CUBN: variants seen among roughly 807,000 people sequenced by gnomAD.
CUBN encodes the protein 460 kDa receptor.
Under a neutral mutation model 405.3 loss-of-function variants are expected in CUBN, and 282 were observed. The observed-to-expected ratio is 0.70, with a 90% CI of 0.63 to 0.77. The LOEUF (loss-of-function observed/expected upper bound fraction) is 0.77, where lower values mean the gene tolerates loss of function less well. CUBN is among the 30% of genes least tolerant of loss of function. CUBN has a pLI of 0.00. For synonymous variants in CUBN, 1,684 were observed against 1,617.0 expected (o/e 1.04, Z -0.99); for missense variants, 4,514 against 4,475.2 (o/e 1.01, Z -0.25).
chr10:16,966,013 G>A lies in CUBN; in HGVS notation c.4696-11465C>T, dbSNP rs756383738. On this transcript the variant is annotated intron_variant, in intron 31 of 66. Coordinates refer to ENST00000377833, the MANE Select transcript of CUBN (RefSeq NM_001081.4). ...GGTGAAATCAAGTTGTATTCATTCA[G>A]TTAGAATGTTGAGAGACCATGATTC... The A allele has an allele frequency of 3.2e-4, 153 of 470,874 alleles. 1 individual carries two copies. Among genetic ancestry groups the A allele is most frequent in the Middle Eastern group, 1.3e-3 (4 of 3,078 alleles). The allele number at this position is 470,874 out of a possible 1,614,324, so 29.2% of individuals were successfully genotyped here. A position where few individuals can be genotyped will look rare whatever the true frequency, so the allele number is the denominator to read the frequency against.
intron 54 of CUBN, among the ~76,000 whole-genome samples, chr10:16,891,132 C>G (rs983074978): frequency 1.3e-5 from 2 of 152,128 alleles, no homozygotes; most frequent in Non-Finnish European, 2.9e-5. Context: ...CCAAGTAGAC[C>G]TGGGCTGTCA....
intron 19 of CUBN, among the ~76,000 whole-genome samples, chr10:17,070,447 A>G (rs2131847474): frequency 6.6e-6 from 1 of 152,218 alleles, no homozygotes; most frequent in South Asian, 2.1e-4. Flanking sequence ...TCTTTAGCTC[A>G]CTTTAGGGAG....
intron 28 of CUBN, among the ~76,000 whole-genome samples, chr10:17,011,448 G>A (rs943477876): frequency 2.6e-5 from 4 of 152,024 alleles, no homozygotes; most frequent in African/African-American, 7.2e-5. Flanking sequence ...CGGTGGGTTC[G>A]TGGTCTTGCT....
rs1237603270 is a variant in CUBN at position 16,831,260 on chromosome 10, G to T, written c.10520C>A (p.Ser3507Ter). 8.1e-6 allele frequency: 13 copies of T among 1,613,782 alleles called. No individual in the cohort carries two copies. Among genetic ancestry groups the T allele is most frequent in the Non-Finnish European group, 1.1e-5 (13 of 1,179,770 alleles). Residue 3507 changes from serine to a stop codon, truncating the protein, a stop_gained, in exon 65 of 67, where the codon TCA (serine) becomes TAA (stop). Coordinates refer to ENST00000377833, the MANE Select transcript of CUBN (RefSeq NM_001081.4). LOFTEE classifies it high-confidence loss of function. Reference protein sequence around the residue: ...DRGYEIIWTSSPSGCGGTLYG... With the variant: ...DRGYEIIWTS ...AAGTGCAAATGTCTTACCAGAGGGTGATGAAGTCCAGATGATTTCATATCC... is the reference window on the plus strand; with the variant it reads ...AAGTGCAAATGTCTTACCAGAGGGTTATGAAGTCCAGATGATTTCATATCC...
At chr10:16,830,516 T>C (rs1489004356) in intron 65 of CUBN, among the ~76,000 whole-genome samples, 1 of 152,202 alleles carries the variant, frequency 6.6e-6, no homozygotes, top group Non-Finnish European at 1.5e-5. Context: ...AGATACTTAC[T>C]ACCCTAAAAA....
chr10:16,924,745 G>A (rs1842131996), intron 43 of CUBN, among the ~76,000 whole-genome samples: 2 of 151,874 alleles, frequency 1.3e-5, no homozygotes, highest in South Asian at 2.1e-4. Flanking sequence ...ATAATCAAGT[G>A]TAATTAAGTA....
At chr10:17,048,810 G>A (rs566712542) in intron 22 of CUBN, among the ~76,000 whole-genome samples, 1 of 152,264 alleles carries the variant, frequency 6.6e-6, no homozygotes, top group East Asian at 1.9e-4. Context: ...TAGTTATGCT[G>A]TTTCCCTAGT....
At chr10:16,860,309 C>T (rs894631719) in intron 59 of CUBN, among the ~76,000 whole-genome samples, 2 of 151,958 alleles carry the variant, frequency 1.3e-5, no homozygotes, top group African/African-American at 4.8e-5. Context: ...GGTTTAAAAA[C>T]ATATCACGCA....
chr10:16,917,159 G>A (rs146783174), intron 45 of CUBN, among the ~76,000 whole-genome samples: 55 of 151,310 alleles, frequency 3.6e-4, no homozygotes, highest in African/African-American at 1.3e-3. Flanking sequence ...TAGAGACTCA[G>A]AGAAAAAAAA....
Position 16,907,525 on chromosome 10 carries a change from G to A in CUBN, c.7688C>T (p.Thr2563Ile), listed in dbSNP as rs1389867709. 1 of 1,614,118 alleles carries A rather than the reference G, an allele frequency of 6.2e-7. No homozygotes were observed. Among genetic ancestry groups the A allele is most frequent in the African/African-American group, 1.3e-5 (1 of 75,028 alleles). ...RPYGGFTASY[T>I]SSEDAVCGGS... Reference sequence around the variant, plus strand: ...TACATTACCTGCATCTTCACTGGAGGTATAGGAAGCAGTGAAGCCGCCATA... The same window carrying A: ...TACATTACCTGCATCTTCACTGGAGATATAGGAAGCAGTGAAGCCGCCATA... Residue 2563 changes from threonine to isoleucine, a missense_variant, in exon 49 of 67, where the codon ACC becomes ATC. Around this residue, in one of 5 missense-constraint regions of CUBN, gnomAD observed 1,613 missense variants for 1,542.8 expected, o/e 1.05. Coordinates refer to ENST00000377833, the MANE Select transcript of CUBN (RefSeq NM_001081.4).
At chr10:17,064,476 T>C (rs1164895900) in intron 22 of CUBN, among the ~76,000 whole-genome samples, 1 of 152,156 alleles carries the variant, frequency 6.6e-6, no homozygotes, top group Non-Finnish European at 1.5e-5. Flanking sequence ...AAGCTACCAG[T>C]TCTTTCTGGA....
intron 48 of CUBN, among the ~76,000 whole-genome samples, 198 bp downstream of exon 48, chr10:16,913,613 G>A (rs941131874): frequency 6.6e-6 from 1 of 152,164 alleles, no homozygotes; most frequent in African/African-American, 2.4e-5. Flanking sequence ...AGTGATAGCT[G>A]ATAGTCTCTT....
Position 16,939,152 on chromosome 10 carries a change from G to A in CUBN, c.5549-5C>T, listed in dbSNP as rs377583171. 7.8e-5 allele frequency: 125 copies of A among 1,611,426 alleles called. No individual in the cohort carries two copies. The highest frequency in any genetic ancestry group is 1.1e-4 in the Non-Finnish European group (124 of 1,177,724). On this transcript the variant is annotated splice_region_variant and splice_polypyrimidine_tract_variant and intron_variant, in intron 37 of 66. Coordinates refer to ENST00000377833, the MANE Select transcript of CUBN (RefSeq NM_001081.4). ...CAATATTATCATTGCCAAATACTAG[G>A]AGGGAAGACAGAGTAGTAAATCAGA...
chr10:16,943,212 T>C (rs1420660108), intron 36 of CUBN, among the ~76,000 whole-genome samples: 2 of 152,136 alleles, frequency 1.3e-5, no homozygotes, highest in Non-Finnish European at 2.9e-5. Flanking sequence ...CATTGGTAGG[T>C]CTCTAACCAA....
At chr10:16,851,568 T>G in intron 59 of CUBN, 125 bp from the exon 60 acceptor site, 8 of 862,696 alleles carry the variant, frequency 9.3e-6, no homozygotes, top group Non-Finnish European at 1.3e-5. Flanking sequence ...GATCAGATCA[T>G]TCCCTCCTGG....
intron 59 of CUBN, among the ~76,000 whole-genome samples, chr10:16,858,555 C>G (rs1205145470): frequency 6.7e-6 from 1 of 150,084 alleles, no homozygotes; most frequent in African/African-American, 2.5e-5. Context: ...CTCCTGGCCT[C>G]AAGGGATCCT....
In CUBN at chr10:17,025,330, T is replaced by C. The variant is rs145007845; in HGVS notation, c.4018-5347A>G. The stretch of plus-strand genomic sequence containing the variant: ...AATCACAAGCAGGAAAGCAATTTTA[T>C]TGTAGAATGTACTTGACTAATGTCA... On this transcript the variant is annotated intron_variant, in intron 27 of 66. Transcript: ENST00000377833. 2.1e-3 allele frequency among the ~76,000 whole-genome samples: 318 copies of C among 152,346 alleles called. 1 individual carries two copies. Among genetic ancestry groups the C allele is most frequent in the African/African-American group, 6.6e-3 (275 of 41,578 alleles).
intron 54 of CUBN, among the ~76,000 whole-genome samples, chr10:16,896,813 AGTCCCTAAGTCTGT>A (rs1841197165): frequency 6.6e-6 from 1 of 152,056 alleles, no homozygotes; most frequent in African/African-American, 2.4e-5. Context: ...ACTGTCCATG[AGTCCCTAAGTCTGT>A]GTTGATCTAG....
rs570572658 is a variant in CUBN at position 16,871,485 on chromosome 10, TG to T, written c.9237-1633del. Among the ~76,000 whole-genome samples, 53 of 151,452 alleles carry T rather than the reference TG, an allele frequency of 3.5e-4. No individual in the cohort carries two copies. The South Asian group carries it at 0.01, about 29-fold the overall frequency. ...CAACAGCCTTGAGAAAAAAAATTGT[TG>T]GTTTTTTTTCTAAAAGGTTTTGGTT... On this transcript the variant is annotated intron_variant, in intron 58 of 66. Coordinates refer to ENST00000377833, the MANE Select transcript of CUBN (RefSeq NM_001081.4).
Sources: gnomAD v4.1 joint callset for allele counts (sites outside exome capture counted in the v4.1 genomes callset) on GRCh38, gnomAD v4.1.1 for gene constraint, gnomAD v4.1.1 regional missense constraint, MANE v1.5 for transcripts, NCBI Gene and HGNC (gene_info 2026-07-23, HGNC 2026-07-21) for gene names.